PNPT1: variants seen among roughly 807,000 people sequenced by gnomAD.
The protein encoded by PNPT1 is polyribonucleotide nucleotidyltransferase 1.
Under a neutral mutation model 119.5 loss-of-function variants are expected in PNPT1, and 53 were observed. The ratio of observed to expected loss-of-function variants is 0.44; its 90% CI spans 0.36 to 0.56. The LOEUF is 0.56. Ranked by LOEUF, PNPT1 falls within the 20% of genes least tolerant of loss-of-function variation. The pLI is 0.00. For synonymous variants in PNPT1, 357 were observed against 322.1 expected, an observed-to-expected ratio of 1.11 and a Z score of -1.16; for missense variants, 948 against 938.5, an observed-to-expected ratio of 1.01 and a Z score of -0.13.
intron 5 of PNPT1, among the ~76,000 whole-genome samples, chr2:55,683,248 T>C (rs1351869508): frequency 6.6e-6 from 1 of 152,178 alleles, no homozygotes; most frequent in East Asian, 1.9e-4. Flanking sequence ...CTGACACACC[T>C]TGGTTGGCTA....
At chr2:55,666,819 G>A in intron 13 of PNPT1, among the ~76,000 whole-genome samples, 172 bp downstream of exon 13, 1 of 152,202 alleles carries the variant, frequency 6.6e-6, no homozygotes, top group East Asian at 1.9e-4. Flanking sequence ...TGGAGCCTGA[G>A]TGACAAACAA....
intron 13 of PNPT1, among the ~76,000 whole-genome samples, chr2:55,664,383 C>T (rs1045096615): frequency 4.6e-5 from 7 of 152,068 alleles, no homozygotes; most frequent in Non-Finnish European, 4.4e-5. Flanking sequence ...AGGAGGACTG[C>T]GGGAGCCCGG....
chr2:55,647,579 G>C (rs1214455481), intron 18 of PNPT1, 126 bp from the exon 19 acceptor site: 2 of 600,538 alleles, frequency 3.3e-6, no homozygotes, highest in Non-Finnish European at 5.6e-6. Context: ...GAGTGCAGTG[G>C]CATGATCTTG....
intron 8 of PNPT1, among the ~76,000 whole-genome samples, chr2:55,676,308 C>CATTT (rs911688736): frequency 1.3e-5 from 2 of 148,726 alleles, no homozygotes; most frequent in Non-Finnish European, 3.0e-5. Flanking sequence ...AACTGTCAAC[C>CATTT]ATTTTAGCAG....
intron 22 of PNPT1, 41 bp downstream of exon 22, chr2:55,645,308 G>A (rs1299589525): frequency 7.1e-7 from 1 of 1,417,604 alleles, no homozygotes; most frequent in African/African-American, 1.4e-5. Context: ...ACAGGCGTGA[G>A]CCACCGCGCC....
Position 55,687,632 on chromosome 2 carries a change from C to T in PNPT1, c.222+13G>A. 1.3e-6 allele frequency: 2 copies of T among 1,557,806 alleles called. No individual in the cohort carries two copies. Among genetic ancestry groups the T allele is most frequent in the Non-Finnish European group, 1.7e-6 (2 of 1,155,620 alleles). Reference sequence around the variant, plus strand: ...CATTTTTAAGATGAATTTTAAAAATCTGGACTTTTTACCTGTACTACAGCA... The same window carrying T: ...CATTTTTAAGATGAATTTTAAAAATTTGGACTTTTTACCTGTACTACAGCA... On this transcript the variant is annotated intron_variant, in intron 2 of 27. Transcript: ENST00000447944.
At chr2:55,667,598 C>A (rs1051600376) in intron 12 of PNPT1, among the ~76,000 whole-genome samples, 7 of 146,884 alleles carry the variant, frequency 4.8e-5, no homozygotes, top group Non-Finnish European at 9.0e-5. Context: ...AAAAAAAAAA[C>A]AAAAAACAAA....
intron 5 of PNPT1, among the ~76,000 whole-genome samples, chr2:55,683,458 C>G (rs2104167318): frequency 6.6e-6 from 1 of 151,886 alleles, no homozygotes; most frequent in Non-Finnish European, 1.5e-5. Context: ...ATTAAAAATA[C>G]AAAAATTAGT....
intron 8 of PNPT1, among the ~76,000 whole-genome samples, chr2:55,676,147 C>T (rs1287327349): frequency 4.7e-5 from 7 of 150,352 alleles, no homozygotes; most frequent in African/African-American, 1.7e-4. Flanking sequence ...GTAGTCCCAG[C>T]TACTTGGGAG....
chr2:55,677,201 T>A (rs944936521), intron 8 of PNPT1, among the ~76,000 whole-genome samples: 3 of 152,186 alleles, frequency 2.0e-5, no homozygotes, highest in Non-Finnish European at 4.4e-5. Flanking sequence ...ATTTATGCGC[T>A]CTAGAGTCTC....
chr2:55,686,221 CTT>C (rs892080596), intron 3 of PNPT1, 147 bp downstream of exon 3: 2 of 662,468 alleles, frequency 3.0e-6, no homozygotes, highest in East Asian at 2.9e-5. Flanking sequence ...AGTTTATACT[CTT>C]TTAATGAATC....
intron 27 of PNPT1, among the ~76,000 whole-genome samples, chr2:55,636,666 TG>T (rs1163237795): frequency 6.6e-6 from 1 of 152,156 alleles, no homozygotes; most frequent in Non-Finnish European, 1.5e-5. Context: ...GTCCTTATAC[TG>T]GGGGAACAGT....
At chr2:55,689,877 C>T (rs905826401) in intron 1 of PNPT1, among the ~76,000 whole-genome samples, 13 of 152,018 alleles carry the variant, frequency 8.6e-5, no homozygotes, top group South Asian at 2.1e-4. Context: ...GCTGGAGTGC[C>T]GTGGTGCCAT....
At position 55,692,104 on chromosome 2, in the gene PNPT1, C is replaced by T. The variant is rs562319742; in HGVS notation, c.161+1559G>A. 2.6e-5 allele frequency among the ~76,000 whole-genome samples: 4 copies of T among 151,676 alleles called. No homozygotes were observed. In the South Asian group the frequency reaches 6.3e-4, roughly 24 times the overall value. ...TTCACCATTGTAGCCAGGCTGGTCT[C>T]GAACTCCTGACCTCAGGAGATCCAC... On this transcript the variant is annotated intron_variant, in intron 1 of 27. Coordinates refer to ENST00000447944, the MANE Select transcript of PNPT1 (RefSeq NM_033109.5).
chr2:55,646,438 T>C lies in PNPT1; in HGVS notation c.1651A>G (p.Asn551Asp). 6.2e-7 allele frequency: 1 copy of C among 1,612,850 alleles called. No individual in the cohort carries two copies. Among genetic ancestry groups the C allele is most frequent in the Non-Finnish European group, 8.5e-7 (1 of 1,179,556 alleles). Residue 551 changes from asparagine (N) to aspartate (D), a missense_variant, in exon 20 of 28, where the codon AAT becomes GAT. Physicochemically the swap from Asn to Asp is conservative, Grantham distance 23. Transcript: ENST00000447944. ...GDMDFKIAGT[N>D]KGITALQADI... ...ACCTGTAATGCAGTTATTCCTTTAT[T>C]AGTGCCAGCTATTTTGAAGTCCATG...
chr2:55,661,380 C>A (rs893249364), intron 14 of PNPT1, among the ~76,000 whole-genome samples: 3 of 151,924 alleles, frequency 2.0e-5, no homozygotes, highest in African/African-American at 7.3e-5. Context: ...CAGGCGTGAG[C>A]CACCACGCCC....
intron 21 of PNPT1, 103 bp downstream of exon 21, chr2:55,646,156 T>C (rs1176133055): frequency 8.7e-7 from 1 of 1,154,200 alleles, no homozygotes; most frequent in Non-Finnish European, 1.2e-6. Context: ...TTATATGAAA[T>C]TCCACTTTTT....
In PNPT1 at chr2:55,635,589, A is replaced by G. The variant is rs1695646118; in HGVS notation, c.*648T>C. On this transcript the variant is annotated 3_prime_UTR_variant, in exon 28 of 28. Transcript: ENST00000447944. ...TAGCCAATAATCTTTCTGTTTAGGT[A>G]AATTTGAAAAATATACATCATTACT... 1 of 152,222 alleles carries G rather than the reference A, an allele frequency of 6.6e-6. No homozygotes were observed. The highest frequency in any genetic ancestry group is 2.1e-4 in the South Asian group (1 of 4,832). The allele number at this position is 152,222 out of a possible 1,614,324, so 9.4% of individuals were successfully genotyped here.
intron 8 of PNPT1, among the ~76,000 whole-genome samples, chr2:55,674,196 T>C (rs1696996436): frequency 6.6e-6 from 1 of 152,168 alleles, no homozygotes; most frequent in South Asian, 2.1e-4. Flanking sequence ...ATTTTTTCTA[T>C]TGCATTAGAA....
Sources: allele counts gnomAD v4.1 joint callset (sites outside exome capture counted in the v4.1 genomes callset), GRCh38; gene constraint gnomAD v4.1.1; transcripts MANE v1.5; gene names NCBI Gene and HGNC (gene_info 2026-07-23, HGNC 2026-07-21).